Variants in SPAG9 observed in about 807,000 individuals in gnomAD.
The protein encoded by SPAG9 is sperm associated antigen 9.
In SPAG9, 35 loss-of-function variants were observed where a neutral mutation model predicts 166.5. The ratio of observed to expected loss-of-function variants is 0.21; its 90% CI spans 0.16 to 0.28. The LOEUF (loss-of-function observed/expected upper bound fraction) is 0.28, where lower values mean the gene tolerates loss of function less well. Among genes scored for constraint, SPAG9 ranks in the 10% least tolerant of loss-of-function variants. SPAG9 has a pLI of 1.00. For synonymous variants in SPAG9, 534 were observed against 565.5 expected, an observed-to-expected ratio of 0.94 and a Z score of 0.79; for missense variants, 1,235 against 1,603.3, an observed-to-expected ratio of 0.77 and a Z score of 3.92.
chr17:51,115,416 C>CT (rs71355714), intron 1 of SPAG9, among the ~76,000 whole-genome samples: 43,384 of 142,922 alleles, frequency 0.3, 6,538 homozygotes, highest in Admixed American at 0.35. Context: ...TGAACTCATC[C>CT]TTTTTTTTTT....
At chr17:51,092,037 A>T (rs1369555320) in intron 1 of SPAG9, among the ~76,000 whole-genome samples, 2 of 151,578 alleles carry the variant, frequency 1.3e-5, no homozygotes, top group African/African-American at 4.8e-5. Context: ...TGGAGTAAAG[A>T]TGCAGAAGAA....
chr17:51,077,049 T>TAGCTAGCTATCTAG (rs2048018901), intron 2 of SPAG9, among the ~76,000 whole-genome samples: 1 of 71,730 alleles, frequency 1.4e-5, no homozygotes, highest in Non-Finnish European at 3.5e-5. Context: ...TATCTAGCTA[T>TAGCTAGCTATCTAG]CTAGCTAGCT....
rs747522271 is a variant in SPAG9 at position 50,970,849 on chromosome 17, G to A, written c.3708C>T (p.Val1236=). Residue 1236 remains valine, a synonymous_variant, in exon 29 of 30, where the codon GTC becomes GTT. Transcript: ENST00000262013. ...VKFFVAVPGQ[V]ISPQSSSSGT... is the part of the protein sequence containing the mutation. The stretch of plus-strand genomic sequence containing the variant: ...CACTACTGCTACTTTGTGGGCTGAT[G>A]ACTTGACCTGTTTTATACAGAAACA... 3.1e-6 allele frequency: 5 copies of A among 1,613,430 alleles called. No individual in the cohort carries two copies. In the African/African-American group the frequency reaches 6.7e-5, roughly 22 times the overall value.
chr17:51,060,611 C>A (rs1006157254), intron 2 of SPAG9, among the ~76,000 whole-genome samples: 9 of 150,504 alleles, frequency 6.0e-5, no homozygotes, highest in Non-Finnish European at 1.2e-4. Flanking sequence ...CTTATAACAG[C>A]AAGAGATAGG....
At position 50,970,697 on chromosome 17, in the gene SPAG9, A is replaced by T; in HGVS notation, c.3850+10T>A. Reference sequence around the variant, plus strand: ...CAGTGCAAACTGAGCACCCAGAACCAATGACATACCCATTCGGAAGTCGAT... The same window carrying T: ...CAGTGCAAACTGAGCACCCAGAACCTATGACATACCCATTCGGAAGTCGAT... On this transcript the variant is annotated intron_variant, in intron 29 of 29. Transcript: ENST00000262013. The T allele has an allele frequency of 1.2e-6, 2 of 1,612,978 alleles. No individual in the cohort carries two copies. Among genetic ancestry groups the T allele is most frequent in the African/African-American group, 1.3e-5 (1 of 74,996 alleles).
intron 1 of SPAG9, chr17:51,085,538 G>A (rs1431479223): frequency 6.6e-6 from 1 of 152,062 alleles, no homozygotes; most frequent in Non-Finnish European, 1.5e-5. Context: ...GACAGGTCTT[G>A]GATTGGCAAG....
At chr17:50,976,686 A>G (rs1974233308) in intron 27 of SPAG9, 1 of 153,514 alleles carries the variant, frequency 6.5e-6, no homozygotes, top group Non-Finnish European at 1.4e-5. Flanking sequence ...AGGCTTGCTG[A>G]ACTCCTGAGA....
At chr17:51,012,684 T>C (rs1438640071) in intron 9 of SPAG9, among the ~76,000 whole-genome samples, 1 of 152,020 alleles carries the variant, frequency 6.6e-6, no homozygotes, top group African/African-American at 2.4e-5. Flanking sequence ...TGTCTAACTA[T>C]ATGTACTTAA....
chr17:51,027,398 G>A lies in SPAG9; in HGVS notation c.783+4283C>T, dbSNP rs546177255. The stretch of plus-strand genomic sequence containing the variant: ...TGCAGTGAGCCAAGATCATACCACT[G>A]CGCTCCAGCCTGGACAACAGAGCAA... On this transcript the variant is annotated intron_variant, in intron 6 of 29. Transcript: ENST00000262013. Among the ~76,000 whole-genome samples, 5 of 151,374 alleles carry A rather than the reference G, an allele frequency of 3.3e-5. No homozygotes were observed. The East Asian group carries it at 5.8e-4, about 18-fold the overall frequency.
At position 50,962,715 on chromosome 17, in the gene SPAG9, T is replaced by C. The variant is rs547502526; in HGVS notation, c.*3557A>G. 4 of 152,332 alleles carry C rather than the reference T, an allele frequency of 2.6e-5. No individual in the cohort carries two copies. Among genetic ancestry groups the C allele is most frequent in the South Asian group, 4.1e-4 (2 of 4,824 alleles). 9.4% of individuals were successfully genotyped at this position (152,332 alleles called of 1,614,324 possible). A position where few individuals can be genotyped will look rare whatever the true frequency, so the allele number is the denominator to read the frequency against. On this transcript the variant is annotated 3_prime_UTR_variant, in exon 30 of 30. Coordinates refer to ENST00000262013, the MANE Select transcript of SPAG9 (RefSeq NM_001130528.3). ...AGTTCCATGGCATTTGCAAGACACA[T>C]GTTCTTTAGGACAGTTAATATTATG...
At chr17:50,966,856 A>G (rs1470805145) in intron 29 of SPAG9, among the ~76,000 whole-genome samples, 2 of 152,266 alleles carry the variant, frequency 1.3e-5, no homozygotes, top group African/African-American at 4.8e-5. Flanking sequence ...ATGTTCTCCA[A>G]TTGAAGATAA....
At chr17:50,986,309 C>G (rs1975045029) in intron 22 of SPAG9, among the ~76,000 whole-genome samples, 1 of 152,178 alleles carries the variant, frequency 6.6e-6, no homozygotes, top group African/African-American at 2.4e-5. Flanking sequence ...TAATGCTCTA[C>G]TGGAAGAGAG....
intron 2 of SPAG9, among the ~76,000 whole-genome samples, chr17:51,076,337 C>T (rs1226813655): frequency 1.3e-5 from 2 of 151,904 alleles, no homozygotes; most frequent in Admixed American, 6.6e-5. Flanking sequence ...GCTAGAGGAT[C>T]GATTGAGCCC....
In SPAG9 at chr17:50,966,283, C is replaced by T. The variant is rs1167150725; in HGVS notation, c.3955G>A (p.Gly1319Ser). 1 of 1,608,016 alleles carries T rather than the reference C, an allele frequency of 6.2e-7. No individual in the cohort carries two copies. Among genetic ancestry groups the T allele is most frequent in the Admixed American group, 1.7e-5 (1 of 60,020 alleles). ...SHLIVWQVMY[G>S]NE Reference sequence around the variant, plus strand: ...TGTTTCCCATGGGCTCACTCATTGCCATACATCACTTGCCACACTATCAAG... The same window carrying T: ...TGTTTCCCATGGGCTCACTCATTGCTATACATCACTTGCCACACTATCAAG... Residue 1319 changes from glycine to serine, a missense_variant, in exon 30 of 30, where the codon GGC (glycine) becomes AGC (serine). By Grantham distance (56) the Gly-to-Ser change is moderately conservative. Transcript: ENST00000262013.
At chr17:51,061,763 T>C (rs2047525867) in intron 2 of SPAG9, among the ~76,000 whole-genome samples, 1 of 152,086 alleles carries the variant, frequency 6.6e-6, no homozygotes, top group African/African-American at 2.4e-5. Context: ...TCCTTAAAGT[T>C]CTAGTAATCA....
chr17:51,048,088 A>G (rs923382484), intron 3 of SPAG9, among the ~76,000 whole-genome samples: 3 of 152,110 alleles, frequency 2.0e-5, no homozygotes, highest in African/African-American at 7.2e-5. Flanking sequence ...ATCTATTATA[A>G]CAGCAGCAAA....
rs147200044 is a variant in SPAG9 at position 51,001,708 on chromosome 17, T to C, written c.1607+7A>G. On this transcript the variant is annotated splice_region_variant and intron_variant, in intron 13 of 29. Coordinates refer to ENST00000262013, the MANE Select transcript of SPAG9 (RefSeq NM_001130528.3). Reference sequence around the variant, plus strand: ...TAGGAAAATAATGGAGCGCTTGTCATACAAACCGAATCATCTCTGTCCATC... The same window carrying C: ...TAGGAAAATAATGGAGCGCTTGTCACACAAACCGAATCATCTCTGTCCATC... The C allele has an allele frequency of 1.2e-6, 2 of 1,601,672 alleles. No individual in the cohort carries two copies. Among genetic ancestry groups the C allele is most frequent in the African/African-American group, 1.3e-5 (1 of 74,118 alleles).
chr17:51,037,353 GT>G (rs2046628719), intron 5 of SPAG9, among the ~76,000 whole-genome samples: 1 of 152,034 alleles, frequency 6.6e-6, no homozygotes, highest in African/African-American at 2.4e-5. Flanking sequence ...GCCGGGCGCG[GT>G]GGCTCAAGCC....
chr17:51,070,151 A>G (rs79081303), intron 2 of SPAG9, among the ~76,000 whole-genome samples: 5 of 152,036 alleles, frequency 3.3e-5, no homozygotes, highest in Non-Finnish European at 5.9e-5. Flanking sequence ...TAAAAAAAAA[A>G]TATCACTGTC....
Sources: gnomAD v4.1 joint callset for allele counts (sites outside exome capture counted in the v4.1 genomes callset) on GRCh38, gnomAD v4.1.1 for gene constraint, MANE v1.5 for transcripts, NCBI Gene and HGNC (gene_info 2026-07-23, HGNC 2026-07-21) for gene names.